CPQ: variants seen among roughly 807,000 people sequenced by gnomAD.
CPQ encodes Ser-Met dipeptidase.
A neutral mutation model predicts 45.7 loss-of-function variants in CPQ; 37 were observed. The observed-to-expected ratio is 0.81, with a 90% CI of 0.62 to 1.07. The LOEUF is 1.07. CPQ is among the 50% of genes least tolerant of loss of function. The probability of loss-of-function intolerance (pLI) is 0.00; values close to 1 mark genes in which losing one functional copy is unlikely to be tolerated. For synonymous variants in CPQ, 186 were observed against 205.8 expected, an observed-to-expected ratio of 0.90 and a Z score of 0.82; for missense variants, 537 against 572.9, an observed-to-expected ratio of 0.94 and a Z score of 0.64.
At chr8:97,041,440 T>A (rs1810123605) in intron 6 of CPQ, among the ~76,000 whole-genome samples, 1 of 152,192 alleles carries the variant, frequency 6.6e-6, no homozygotes, top group Non-Finnish European at 1.5e-5. Context: ...ACAGGGACAA[T>A]TTGACTTCCT....
intron 5 of CPQ, among the ~76,000 whole-genome samples, chr8:96,978,621 T>G (rs1813830067): frequency 6.6e-6 from 1 of 152,234 alleles, no homozygotes; most frequent in Admixed American, 6.5e-5. Flanking sequence ...TACAGCATGC[T>G]TAGCTTCCTC....
intron 1 of CPQ, among the ~76,000 whole-genome samples, chr8:96,784,464 T>C (rs2130808374): frequency 6.6e-6 from 1 of 152,098 alleles, no homozygotes; most frequent in South Asian, 2.1e-4. Flanking sequence ...TGGAGGAGTC[T>C]GACAGGCAAA....
At chr8:96,890,003 C>G (rs1437595271) in intron 4 of CPQ, among the ~76,000 whole-genome samples, 1 of 152,154 alleles carries the variant, frequency 6.6e-6, no homozygotes, top group Non-Finnish European at 1.5e-5. Flanking sequence ...TTAACCATGA[C>G]AAGTTCACCC....
intron 5 of CPQ, among the ~76,000 whole-genome samples, chr8:97,002,925 T>A (rs1809310321): frequency 6.6e-6 from 1 of 152,230 alleles, no homozygotes; most frequent in Non-Finnish European, 1.5e-5. Flanking sequence ...GGAACTTGCT[T>A]TATGAATCTG....
chr8:97,126,997 T>C (rs755098635), intron 7 of CPQ, among the ~76,000 whole-genome samples: 2 of 152,154 alleles, frequency 1.3e-5, no homozygotes, highest in Non-Finnish European at 2.9e-5. Flanking sequence ...CCTTATCTCA[T>C]ACCCTGCACA....
At chr8:97,128,278 T>C (rs192780368) in intron 7 of CPQ, among the ~76,000 whole-genome samples, 1 of 152,356 alleles carries the variant, frequency 6.6e-6, no homozygotes, top group East Asian at 1.9e-4. Flanking sequence ...TTCTGTCTTC[T>C]GAGCTCTAAC....
At chr8:96,713,614 G>A (rs1809640775) in intron 1 of CPQ, among the ~76,000 whole-genome samples, 1 of 152,134 alleles carries the variant, frequency 6.6e-6, no homozygotes, top group Non-Finnish European at 1.5e-5. Flanking sequence ...ATAGAAGCAT[G>A]GGGGTAACTG....
chr8:96,885,413 A>G (rs1812289364), intron 4 of CPQ, among the ~76,000 whole-genome samples: 1 of 152,186 alleles, frequency 6.6e-6, no homozygotes, highest in African/African-American at 2.4e-5. Context: ...CGGGTGACAT[A>G]TGCAAAACAT....
intron 4 of CPQ, 123 bp downstream of exon 4, chr8:96,880,128 C>T (rs1178886058): frequency 2.6e-6 from 2 of 770,740 alleles, no homozygotes; most frequent in East Asian, 5.1e-5. Context: ...TCGTTGAAGG[C>T]AGAAGCTTTA....
At chr8:96,747,559 G>C (rs893114670) in intron 1 of CPQ, among the ~76,000 whole-genome samples, 1 of 152,196 alleles carries the variant, frequency 6.6e-6, no homozygotes. Flanking sequence ...AACTGACAGA[G>C]GGTTGTCTTG....
chr8:96,650,134 A>G (rs1447728814), intron 1 of CPQ, among the ~76,000 whole-genome samples: 1 of 152,218 alleles, frequency 6.6e-6, no homozygotes, highest in Non-Finnish European at 1.5e-5. Flanking sequence ...CATCTTATTC[A>G]GTTTGTCAGG....
chr8:97,036,229 C>A (rs1810004281), intron 6 of CPQ, among the ~76,000 whole-genome samples: 1 of 152,004 alleles, frequency 6.6e-6, no homozygotes, highest in East Asian at 1.9e-4. Flanking sequence ...AACTGGAGCC[C>A]AAAGGGGAGG....
At chr8:96,972,785 A>G (rs1005219748) in intron 5 of CPQ, among the ~76,000 whole-genome samples, 1 of 152,118 alleles carries the variant, frequency 6.6e-6, no homozygotes, top group African/African-American at 2.4e-5. Context: ...AAGAGCAAAA[A>G]CAATCACTAC....
intron 5 of CPQ, among the ~76,000 whole-genome samples, chr8:97,011,344 A>G (rs1301378099): frequency 6.6e-6 from 1 of 152,220 alleles, no homozygotes; most frequent in Admixed American, 6.5e-5. Context: ...TTGCCACTTT[A>G]TCTCTTTAAA....
intron 1 of CPQ, among the ~76,000 whole-genome samples, chr8:96,751,156 A>G (rs1286669043): frequency 6.6e-6 from 1 of 152,198 alleles, no homozygotes; most frequent in Non-Finnish European, 1.5e-5. Context: ...ATACCCAGTA[A>G]TGGGATTGCC....
At chr8:96,753,442 A>C (rs971393068) in intron 1 of CPQ, among the ~76,000 whole-genome samples, 3 of 152,124 alleles carry the variant, frequency 2.0e-5, no homozygotes, top group Non-Finnish European at 4.4e-5. Context: ...TTAATTTTGG[A>C]ATAATTAACA....
chr8:97,038,762 GT>G (rs1408656469), intron 6 of CPQ, among the ~76,000 whole-genome samples: 1 of 135,120 alleles, frequency 7.4e-6, no homozygotes, highest in Admixed American at 8.6e-5. Flanking sequence ...AACTCTCATT[GT>G]AGGCAGTCAT....
intron 7 of CPQ, among the ~76,000 whole-genome samples, chr8:97,106,659 A>G (rs571466732): frequency 1.3e-5 from 2 of 152,360 alleles, no homozygotes; most frequent in South Asian, 2.1e-4. Context: ...AGAGAGTATG[A>G]TGCTAAGAAA....
At chr8:96,832,171 AG>A (rs1811468434) in intron 2 of CPQ, among the ~76,000 whole-genome samples, 1 of 152,134 alleles carries the variant, frequency 6.6e-6, no homozygotes, top group Non-Finnish European at 1.5e-5. Context: ...GTGTAAAGTA[AG>A]GGTAACCAGG....
Sources: allele counts gnomAD v4.1 joint callset (sites outside exome capture counted in the v4.1 genomes callset), GRCh38; gene constraint gnomAD v4.1.1; transcripts MANE v1.5; gene names NCBI Gene and HGNC (gene_info 2026-07-23, HGNC 2026-07-21).